MTARC1: variants seen among roughly 807,000 people sequenced by gnomAD.
MTARC1 encodes mitochondrial amidoxime-reducing component 1.
MTARC1 carries 24 observed loss-of-function variants against 33.6 expected under a neutral mutation model. The observed-to-expected ratio is 0.72, with a 90% CI of 0.52 to 1.01. The LOEUF is 1.01. MTARC1 is among the 50% of genes least tolerant of loss of function. MTARC1 has a pLI of 0.00. For synonymous variants in MTARC1, 187 were observed against 189.5 expected (o/e 0.99, Z 0.11); for missense variants, 417 against 445.7 (o/e 0.94, Z 0.58).
chr1:220,797,831 G>A (rs1405629244), intron 3 of MTARC1, 43 bp from the exon 4 acceptor site: 6 of 1,594,482 alleles, frequency 3.8e-6, no homozygotes, highest in East Asian at 2.2e-5. Context: ...CCACTGAAAA[G>A]TTGGTGTGCC....
chr1:220,810,793 C>T (rs943337398), intron 6 of MTARC1, among the ~76,000 whole-genome samples: 2 of 152,168 alleles, frequency 1.3e-5, no homozygotes, highest in Admixed American at 1.3e-4. Context: ...AGGATGTCGA[C>T]GACCAGGGTT....
Position 220,787,229 on chromosome 1 carries a change from A to C in MTARC1, c.275+10A>C, listed in dbSNP as rs993954646. The C allele has an allele frequency of 2.6e-6, 4 of 1,557,486 alleles. No homozygotes were observed. In the African/African-American group the frequency reaches 5.5e-5, roughly 21 times the overall value. On this transcript the variant is annotated intron_variant, in intron 1 of 6. Transcript: ENST00000366910. ...GCAACCTGCGGGACAGGTACGGCCA[A>C]GCGCCGGCGCGGGGCAGCGCTGATC...
chr1:220,791,027 C>T (rs1672403453), intron 1 of MTARC1: 1 of 156,518 alleles, frequency 6.4e-6, no homozygotes, highest in Non-Finnish European at 1.4e-5. Context: ...CAGCTGAACT[C>T]CATGCCCTGT....
At chr1:220,801,382 G>A (rs1672801303) in intron 4 of MTARC1, among the ~76,000 whole-genome samples, 1 of 152,076 alleles carries the variant, frequency 6.6e-6, no homozygotes, top group Non-Finnish European at 1.5e-5. Flanking sequence ...AACAAGCCGT[G>A]TGTACTCAGG....
Position 220,795,160 on chromosome 1 carries a change from A to G in MTARC1, c.450-1483A>G, listed in dbSNP as rs374208298. Among the ~76,000 whole-genome samples the G allele has an allele frequency of 2.3e-4, 35 of 152,316 alleles. 1 individual carries two copies. The East Asian group carries it at 6.6e-3, about 29-fold the overall frequency. ...AACTATACAAAGATAGCTTGAAATA[A>G]CTTGGTTGGGGGACCCTGGGTCATT... On this transcript the variant is annotated intron_variant, in intron 2 of 6. Transcript: ENST00000366910.
chr1:220,807,475 C>T (rs567739287), intron 6 of MTARC1, among the ~76,000 whole-genome samples: 3 of 152,046 alleles, frequency 2.0e-5, no homozygotes, highest in South Asian at 2.1e-4. Flanking sequence ...TGCAGCTACT[C>T]GGGTGGCTGA....
At chr1:220,798,284 T>C in intron 4 of MTARC1, 4 of 1,345,132 alleles carry the variant, frequency 3.0e-6, no homozygotes, top group Non-Finnish European at 3.9e-6. Context: ...AGGTTCGTTG[T>C]TGAGTCACAT....
rs1342189738 is a variant in MTARC1, at chr1:220,817,817, T to A, written c.*4399T>A. 6.6e-6 allele frequency: 1 copy of A among 152,300 alleles called. No homozygotes were observed. Among genetic ancestry groups the A allele is most frequent in the Admixed American group, 6.5e-5 (1 of 15,290 alleles). The allele number at this position is 152,300 out of a possible 1,614,324, so 9.4% of individuals were successfully genotyped here. ...TCAGGATGGTCTCGAACTCTTGATCTCGTGATCTGCCCGCCTCGGCCTCCC... is the reference window on the plus strand; with the variant it reads ...TCAGGATGGTCTCGAACTCTTGATCACGTGATCTGCCCGCCTCGGCCTCCC... On this transcript the variant is annotated 3_prime_UTR_variant, in exon 7 of 7. Transcript: ENST00000366910.
At chr1:220,811,896 T>C (rs1398892213) in intron 6 of MTARC1, among the ~76,000 whole-genome samples, 4 of 152,186 alleles carry the variant, frequency 2.6e-5, no homozygotes, top group Non-Finnish European at 4.4e-5. Flanking sequence ...AGGCCCGGCA[T>C]TGGGCGTGAG....
intron 4 of MTARC1, chr1:220,798,594 C>T (rs1672693315): frequency 5.1e-6 from 5 of 984,306 alleles, no homozygotes; most frequent in Non-Finnish European, 6.0e-6. Flanking sequence ...GCAAATTTAC[C>T]TTTGTAATAA....
chr1:220,813,165 G>C (rs2102612786), intron 6 of MTARC1, 127 bp from the exon 7 acceptor site: 2 of 1,296,452 alleles, frequency 1.5e-6, no homozygotes, highest in East Asian at 2.3e-5. Context: ...CTGTTCTGTT[G>C]AGCTTTGACG....
At chr1:220,798,512 C>T in intron 4 of MTARC1, 3 of 985,432 alleles carry the variant, frequency 3.0e-6, no homozygotes, top group Non-Finnish European at 3.6e-6. Flanking sequence ...CATCTGCCCT[C>T]AGATGTTTGC....
intron 4 of MTARC1, chr1:220,798,358 T>A: frequency 8.3e-7 from 1 of 1,205,014 alleles, no homozygotes; most frequent in Non-Finnish European, 1.0e-6. Context: ...GCTCCTGTCT[T>A]GTTAAAGGAT....
intron 3 of MTARC1, 170 bp from the exon 4 acceptor site, chr1:220,797,704 T>C (rs1408559348): frequency 3.2e-6 from 2 of 634,518 alleles, no homozygotes; most frequent in African/African-American, 1.8e-5. Flanking sequence ...TGCAAGGCTA[T>C]TGAAAACTTC....
intron 1 of MTARC1, 105 bp downstream of exon 1, chr1:220,787,324 C>T: frequency 1.5e-6 from 2 of 1,349,754 alleles, no homozygotes; most frequent in East Asian, 6.1e-5. Context: ...ACAGGTCCTT[C>T]CTCCTATTAC....
chr1:220,814,160 A>G lies in MTARC1; in HGVS notation c.*742A>G, dbSNP rs1673224560. ...AAAGTTCTGAATTCTGTGGAGGAGA[A>G]GAAAAGTGATTCAGTGATTTCAGAT... On this transcript the variant is annotated 3_prime_UTR_variant, in exon 7 of 7. Transcript: ENST00000366910. 1 of 152,268 alleles carries G rather than the reference A, an allele frequency of 6.6e-6. No homozygotes were observed. The highest frequency in any genetic ancestry group is 1.5e-5 in the Non-Finnish European group (1 of 68,060). The allele number at this position is 152,268 out of a possible 1,614,324, so 9.4% of individuals were successfully genotyped here.
At position 220,819,341 on chromosome 1, in the gene MTARC1, C is replaced by T. The variant is rs897224889; in HGVS notation, c.*5923C>T. Reference sequence around the variant, plus strand: ...ATAAATGTATTGGTCAAACAGATCTCGTTAATGTGGCCAAGATAAATGCAA... The same window carrying T: ...ATAAATGTATTGGTCAAACAGATCTTGTTAATGTGGCCAAGATAAATGCAA... On this transcript the variant is annotated 3_prime_UTR_variant, in exon 7 of 7. Transcript: ENST00000366910. The T allele has an allele frequency of 2.6e-5, 4 of 152,144 alleles. No homozygotes were observed. The highest frequency in any genetic ancestry group is 4.4e-5 in the Non-Finnish European group (3 of 68,032). The allele number at this position is 152,144 out of a possible 1,614,324, so 9.4% of individuals were successfully genotyped here.
chr1:220,797,790 G>A, intron 3 of MTARC1, 84 bp from the exon 4 acceptor site: 1 of 1,292,910 alleles, frequency 7.7e-7, no homozygotes, highest in Non-Finnish European at 1.1e-6. Flanking sequence ...GTGGAGCATG[G>A]AGGCTATGTC....
At chr1:220,812,114 A>G (rs1409212912) in intron 6 of MTARC1, among the ~76,000 whole-genome samples, 1 of 152,196 alleles carries the variant, frequency 6.6e-6, no homozygotes, top group Non-Finnish European at 1.5e-5. Flanking sequence ...GGCAGGTACA[A>G]TTCTAAAGCA....
Sources: gnomAD v4.1 joint callset for allele counts (sites outside exome capture counted in the v4.1 genomes callset) on GRCh38, gnomAD v4.1.1 for gene constraint, MANE v1.5 for transcripts, NCBI Gene and HGNC (gene_info 2026-07-23, HGNC 2026-07-21) for gene names.